Variants in CSMD1 observed in about 807,000 individuals in gnomAD.
The protein encoded by CSMD1 is CUB and Sushi multiple domains 1.
A neutral mutation model predicts 417.5 loss-of-function variants in CSMD1; 213 were observed. The observed-to-expected ratio is 0.51, with a 90% CI of 0.46 to 0.57. The LOEUF is 0.57. Among genes scored for constraint, CSMD1 ranks in the 20% least tolerant of loss-of-function variants. The pLI is 0.00. For missense variants in CSMD1, 6,923 were observed against 4,529.7 expected (o/e 1.53, Z -15.17); for synonymous variants, 2,862 against 1,736.8 (o/e 1.65, Z -16.11).
intron 1 of CSMD1, among the ~76,000 whole-genome samples, chr8:4,823,983 GAC>G (rs1164932575): frequency 6.6e-6 from 1 of 151,216 alleles, no homozygotes; most frequent in African/African-American, 2.4e-5. Context: ...CCCACGCATG[GAC>G]ACACACATAT....
chr8:3,993,975 T>C (rs1404560067), intron 5 of CSMD1, among the ~76,000 whole-genome samples: 1 of 151,906 alleles, frequency 6.6e-6, no homozygotes, highest in East Asian at 1.9e-4. Context: ...CAGGGATGGG[T>C]TCACAGGGGC....
chr8:3,623,098 A>C (rs1404385858), intron 7 of CSMD1, among the ~76,000 whole-genome samples: 1 of 152,258 alleles, frequency 6.6e-6, no homozygotes, highest in African/African-American at 2.4e-5. Flanking sequence ...ATATTAAAGA[A>C]AGATATGTAA....
intron 5 of CSMD1, among the ~76,000 whole-genome samples, chr8:3,872,886 G>A (rs900170670): frequency 6.7e-6 from 1 of 150,360 alleles, no homozygotes; most frequent in African/African-American, 2.4e-5. Context: ...TTAAAAAGTG[G>A]ACAAACAACA....
chr8:4,271,103 T>C (rs71523621), intron 3 of CSMD1, among the ~76,000 whole-genome samples: 3,659 of 152,300 alleles, frequency 0.024, 70 homozygotes, highest in Non-Finnish European at 0.035. Context: ...GTCCACTCCT[T>C]TTATTATTTC....
chr8:3,988,306 G>C (rs762058153), intron 5 of CSMD1, among the ~76,000 whole-genome samples: 5 of 152,196 alleles, frequency 3.3e-5, no homozygotes, highest in Non-Finnish European at 7.3e-5. Context: ...GATTTCAACA[G>C]AGACAAAAGA....
At chr8:3,564,076 T>C (rs13265032) in intron 10 of CSMD1, among the ~76,000 whole-genome samples, 44,240 of 152,078 alleles carry the variant, frequency 0.29, 6,705 homozygotes, top group Middle Eastern at 0.41. Context: ...TACATGTATA[T>C]GATGCATAAT....
At chr8:4,859,486 G>A (rs991885380) in intron 1 of CSMD1, among the ~76,000 whole-genome samples, 2 of 152,046 alleles carry the variant, frequency 1.3e-5, no homozygotes, top group African/African-American at 4.8e-5. Flanking sequence ...CTACACAATG[G>A]GAGAAAATTC....
chr8:4,375,750 C>T (rs951524171), intron 3 of CSMD1, among the ~76,000 whole-genome samples: 9 of 152,126 alleles, frequency 5.9e-5, no homozygotes, highest in Non-Finnish European at 8.8e-5. Context: ...CTGCACCATG[C>T]CCTGCCCTGT....
At chr8:4,313,566 G>C (rs1046258324) in intron 3 of CSMD1, among the ~76,000 whole-genome samples, 8 of 151,784 alleles carry the variant, frequency 5.3e-5, no homozygotes, top group African/African-American at 1.9e-4. Flanking sequence ...GTTATGGGAG[G>C]GAAAGAAGAA....
intron 5 of CSMD1, among the ~76,000 whole-genome samples, chr8:3,936,923 G>T (rs1286536488): frequency 6.6e-6 from 1 of 152,184 alleles, no homozygotes; most frequent in African/African-American, 2.4e-5. Flanking sequence ...AAGAATGTTT[G>T]TGATTCATGG....
intron 2 of CSMD1, among the ~76,000 whole-genome samples, chr8:4,430,326 C>G (rs1797803549): frequency 1.3e-5 from 2 of 152,236 alleles, no homozygotes; most frequent in South Asian, 2.1e-4. Context: ...ATTGCTTTAA[C>G]TGATAGTTTT....
At chr8:4,800,125 T>C (rs9644370) in intron 1 of CSMD1, among the ~76,000 whole-genome samples, 5,796 of 152,214 alleles carry the variant, frequency 0.038, 264 homozygotes, top group East Asian at 0.23. Context: ...TTGTTTCCTA[T>C]ATAATTGTTA....
chr8:2,939,213 C>A (rs910986549), intron 69 of CSMD1, among the ~76,000 whole-genome samples: 2 of 152,198 alleles, frequency 1.3e-5, no homozygotes, highest in African/African-American at 4.8e-5. Context: ...ATAAGTTATA[C>A]GGCCTTGGTT....
intron 1 of CSMD1, among the ~76,000 whole-genome samples, chr8:4,769,598 A>G (rs1241997191): frequency 7.2e-5 from 11 of 152,228 alleles, no homozygotes; most frequent in Admixed American, 7.2e-4. Context: ...TTGTAAATTA[A>G]TGAATATTCT....
At chr8:3,407,852 T>G (rs1162082957) in intron 14 of CSMD1, 47 bp downstream of exon 14, 4 of 1,490,626 alleles carry the variant, frequency 2.7e-6, no homozygotes, top group Non-Finnish European at 3.6e-6. Flanking sequence ...TGGGAACATG[T>G]AAGTAAAATG....
At chr8:4,229,704 C>T (rs528052058) in intron 3 of CSMD1, among the ~76,000 whole-genome samples, 1 of 152,268 alleles carries the variant, frequency 6.6e-6, no homozygotes, top group South Asian at 2.1e-4. Context: ...GCCTCAGCCC[C>T]TTCCTCTTGC....
At chr8:4,680,215 T>A (rs1414526730) in intron 1 of CSMD1, among the ~76,000 whole-genome samples, 1 of 152,202 alleles carries the variant, frequency 6.6e-6, no homozygotes, top group Admixed American at 6.5e-5. Context: ...TCTGCAAAAA[T>A]GCATGCTGTG....
intron 3 of CSMD1, among the ~76,000 whole-genome samples, chr8:4,349,245 T>C (rs532541427): frequency 5.3e-5 from 8 of 152,316 alleles, no homozygotes; most frequent in Non-Finnish European, 7.3e-5. Flanking sequence ...TGTCTTGTGG[T>C]ATTTGGTACA....
At chr8:3,613,071 T>G (rs1424139660) in intron 8 of CSMD1, among the ~76,000 whole-genome samples, 2 of 152,042 alleles carry the variant, frequency 1.3e-5, no homozygotes, top group Non-Finnish European at 2.9e-5. Context: ...AAAATATGAA[T>G]ATCAAGAATT....
Sources: allele counts gnomAD v4.1 joint callset (sites outside exome capture counted in the v4.1 genomes callset), GRCh38; gene constraint gnomAD v4.1.1; transcripts MANE v1.5; gene names NCBI Gene and HGNC (gene_info 2026-07-23, HGNC 2026-07-21).